TBC1D8B: variants seen among roughly 807,000 people sequenced by gnomAD.
The protein encoded by TBC1D8B is RP11-321G1.1.
In TBC1D8B, 75 loss-of-function variants were observed where a neutral mutation model predicts 82.9. That is an observed-to-expected ratio of 0.90 (90% CI 0.75 to 1.10). The LOEUF (loss-of-function observed/expected upper bound fraction) is 1.10. Among genes scored for constraint, TBC1D8B ranks in the 50% least tolerant of loss-of-function variants. The pLI, the probability that TBC1D8B is intolerant of heterozygous loss-of-function variation, is 0.00. For synonymous variants in TBC1D8B, 276 were observed against 276.8 expected, an observed-to-expected ratio of 1.00 and a Z score of 0.03; for missense variants, 794 against 796.9, an observed-to-expected ratio of 1.00 and a Z score of 0.04.
intron 1 of TBC1D8B, chrX:106,814,078 A>T (rs1465415342): frequency 9.4e-6 from 1 of 106,077 alleles, no homozygotes; most frequent in Non-Finnish European, 1.9e-5. Flanking sequence ...TCATTGTTCA[A>T]TTCCCATCTA....
chrX:106,827,498 G>A, intron 7 of TBC1D8B, 161 bp downstream of exon 7: 1 of 493,061 alleles, frequency 2.0e-6, no homozygotes, highest in East Asian at 3.9e-5. Context: ...ACATCCTTAA[G>A]CAGAAGTGAG....
At chrX:106,830,672 A>G (rs1414964553) in intron 7 of TBC1D8B, among the ~76,000 whole-genome samples, 1 of 108,755 alleles carries the variant, frequency 9.2e-6, no homozygotes, top group Admixed American at 9.9e-5. Context: ...GGAAACCATC[A>G]TTCTCAGTAA....
chrX:106,827,275 G>C lies in TBC1D8B; in HGVS notation c.1141G>C (p.Val381Leu). The change falls in exon 7 of 21, where the codon GTA (valine) becomes CTA (leucine). Residue 381 changes from valine to leucine, a missense_variant. Transcript: ENST00000357242. ...FHEVKDFEQLVAKLRLRCGAA... is the reference protein window; with the variant it reads ...FHEVKDFEQLLAKLRLRCGAA... ...TGAAGTTAAAGACTTTGAACAACTGGTAGCAAAACTCAGGCTCAGATGCGG... is the reference window on the plus strand; with the variant it reads ...TGAAGTTAAAGACTTTGAACAACTGCTAGCAAAACTCAGGCTCAGATGCGG... The C allele has an allele frequency of 8.3e-7, 1 of 1,210,908 alleles. No homozygotes were observed. Among genetic ancestry groups the C allele is most frequent in the Non-Finnish European group, 1.1e-6 (1 of 895,062 alleles).
intron 7 of TBC1D8B, among the ~76,000 whole-genome samples, chrX:106,834,434 G>A (rs1240229068): frequency 1.8e-5 from 2 of 111,030 alleles, no homozygotes; most frequent in African/African-American, 3.3e-5. Flanking sequence ...TGAGATTTGG[G>A]TGGTGACACA....
chrX:106,843,742 A>T, intron 10 of TBC1D8B, among the ~76,000 whole-genome samples: 1 of 111,153 alleles, frequency 9.0e-6, no homozygotes, highest in Non-Finnish European at 1.9e-5. Flanking sequence ...AAGAAAAAAA[A>T]AAGGCAGCTG....
chrX:106,833,608 T>A (rs1932096015), intron 7 of TBC1D8B, among the ~76,000 whole-genome samples: 2 of 112,085 alleles, frequency 1.8e-5, no homozygotes, highest in African/African-American at 3.2e-5. Context: ...GTCATTTTTT[T>A]AAATTTTCTA....
chrX:106,863,660 G>T (rs1227635131), intron 14 of TBC1D8B, among the ~76,000 whole-genome samples: 4 of 112,073 alleles, frequency 3.6e-5, no homozygotes, highest in African/African-American at 1.3e-4. Flanking sequence ...GGTTGCAACT[G>T]CCAGCAGAGT....
At chrX:106,848,095 C>A in intron 10 of TBC1D8B, 91 bp from the exon 11 acceptor site, 1 of 561,056 alleles carries the variant, frequency 1.8e-6, no homozygotes, top group Non-Finnish European at 2.7e-6. Context: ...CTCAGTTGTT[C>A]TTGTTGCTGT....
Position 106,827,295 on chromosome X carries a change from A to G in TBC1D8B, c.1161A>G (p.Arg387=). The change falls in exon 7 of 21, where the codon AGA becomes AGG. Residue 387 remains arginine (R), a synonymous_variant. Coordinates refer to ENST00000357242, the MANE Select transcript of TBC1D8B (RefSeq NM_017752.3). ...AACTGGTAGCAAAACTCAGGCTCAGATGCGGAGCAGCTTCAACTCAATATC... is the reference window on the plus strand; with the variant it reads ...AACTGGTAGCAAAACTCAGGCTCAGGTGCGGAGCAGCTTCAACTCAATATC... The part of the protein sequence containing the change: ...FEQLVAKLRL[R]CGAASTQYHD... The G allele has an allele frequency of 8.3e-7, 1 of 1,211,226 alleles. No individual in the cohort carries two copies. Among genetic ancestry groups the G allele is most frequent in the Non-Finnish European group, 1.1e-6 (1 of 895,142 alleles).
intron 17 of TBC1D8B, 131 bp downstream of exon 17, chrX:106,866,993 C>T (rs766002809): frequency 2.4e-6 from 1 of 420,201 alleles, no homozygotes; most frequent in South Asian, 6.0e-5. Flanking sequence ...CTGTGGCCCT[C>T]AAATTATATT....
At chrX:106,840,341 A>G in intron 9 of TBC1D8B, 143 bp downstream of exon 9, 1 of 617,966 alleles carries the variant, frequency 1.6e-6, no homozygotes, top group Non-Finnish European at 2.4e-6. Context: ...TCAAAGAAAG[A>G]AAGGTAAGTA....
Position 106,825,110 on chromosome X carries a change from A to G in TBC1D8B, c.828-920A>G, listed in dbSNP as rs750239089. Among the ~76,000 whole-genome samples the G allele has an allele frequency of 3.6e-5, 4 of 111,419 alleles. No homozygotes were observed. The East Asian group carries it at 1.1e-3, about 31-fold the overall frequency. On this transcript the variant is annotated intron_variant, in intron 5 of 20. Coordinates refer to ENST00000357242, the MANE Select transcript of TBC1D8B (RefSeq NM_017752.3). ...ATTTAAATAATAGTGAACCCACAAAATTGCAATTTATTTGTTTTATTAGCT... is the reference window on the plus strand; with the variant it reads ...ATTTAAATAATAGTGAACCCACAAAGTTGCAATTTATTTGTTTTATTAGCT...
At chrX:106,825,755 C>T (rs1411991018) in intron 5 of TBC1D8B, among the ~76,000 whole-genome samples, 5 of 111,057 alleles carry the variant, frequency 4.5e-5, no homozygotes, top group Non-Finnish European at 7.6e-5. Context: ...TAGGAAATCA[C>T]CCCTTAGAGA....
At chrX:106,849,944 C>T in intron 11 of TBC1D8B, 81 bp from the exon 12 acceptor site, 1 of 1,101,083 alleles carries the variant, frequency 9.1e-7, no homozygotes, top group Non-Finnish European at 1.2e-6. Flanking sequence ...GATACATCAG[C>T]ATGCTAATAG....
intron 10 of TBC1D8B, among the ~76,000 whole-genome samples, chrX:106,845,596 C>T (rs1188301064): frequency 9.0e-6 from 1 of 110,537 alleles, no homozygotes; most frequent in African/African-American, 3.3e-5. Context: ...GTCTTTATCA[C>T]TTTCTGCTCG....
At chrX:106,814,662 A>G (rs1237650224) in intron 1 of TBC1D8B, 1 of 109,475 alleles carries the variant, frequency 9.1e-6, no homozygotes, top group Non-Finnish European at 1.9e-5. Flanking sequence ...AGTCCCACCA[A>G]CAGTGTAAAA....
intron 2 of TBC1D8B, 137 bp from the exon 3 acceptor site, chrX:106,820,740 A>C (rs768008818): frequency 4.5e-6 from 2 of 443,163 alleles, no homozygotes; most frequent in Non-Finnish European, 7.7e-6. Context: ...GAATAAATGT[A>C]AATATTTTAC....
intron 4 of TBC1D8B, among the ~76,000 whole-genome samples, chrX:106,822,725 C>T (rs887615521): frequency 9.1e-6 from 1 of 109,422 alleles, no homozygotes; most frequent in African/African-American, 3.3e-5. Context: ...AAATTGGGCA[C>T]AGTGGCTCAC....
intron 7 of TBC1D8B, chrX:106,828,970 G>T (rs981849705): frequency 9.3e-6 from 1 of 107,431 alleles, no homozygotes; most frequent in African/African-American, 3.6e-5. Context: ...AGGAAATAAA[G>T]AGTATTCAAT....
Sources: allele counts gnomAD v4.1 joint callset (sites outside exome capture counted in the v4.1 genomes callset), GRCh38; gene constraint gnomAD v4.1.1; transcripts MANE v1.5; gene names NCBI Gene and HGNC (gene_info 2026-07-23, HGNC 2026-07-21).